GPR173: variants seen among roughly 807,000 people sequenced by gnomAD.
The protein encoded by GPR173 is G protein-coupled receptor 173, also known as probable G protein-coupled receptor 173.
Under a neutral mutation model 13.9 loss-of-function variants are expected in GPR173, and 2 were observed. That is an observed-to-expected ratio of 0.14 (90% CI 0.06 to 0.45). The LOEUF (loss-of-function observed/expected upper bound fraction) is 0.45, where lower values mean the gene tolerates loss of function less well. GPR173 is among the 20% of genes least tolerant of loss of function. The pLI is 0.98. For missense variants in GPR173, 202 were observed against 340.5 expected (o/e 0.59, Z 3.20); for synonymous variants, 131 against 141.0 (o/e 0.93, Z 0.50).
At chrX:53,059,065 T>C (rs917467612) in intron 1 of GPR173, among the ~76,000 whole-genome samples, 34 of 106,819 alleles carry the variant, frequency 3.2e-4, no homozygotes, top group Non-Finnish European at 5.8e-4. Flanking sequence ...CTGGCTAACA[T>C]GGTGAAACCC....
In GPR173 at chrX:53,076,945, C is replaced by T. The variant is rs782532937; in HGVS notation, c.324C>T (p.Phe108=). The T allele has an allele frequency of 9.1e-6, 11 of 1,209,431 alleles. No individual in the cohort carries two copies. The highest frequency in any genetic ancestry group is 1.2e-5 in the Non-Finnish European group (11 of 894,664). Residue 108 remains phenylalanine, a synonymous_variant, in exon 2 of 2, where the codon TTC becomes TTT. Transcript: ENST00000332582. Reference sequence around the variant, plus strand: ...CCTTTATGGCCGTGCTCTTTTGCTTCCATGCGGCCTTCATGCTGTTCTGCA... The same window carrying T: ...CCTTTATGGCCGTGCTCTTTTGCTTTCATGCGGCCTTCATGCTGTTCTGCA... ...IVAFMAVLFC[F]HAAFMLFCIS...
At chrX:53,061,991 A>AG (rs113986287) in intron 1 of GPR173, among the ~76,000 whole-genome samples, 3,259 of 105,433 alleles carry the variant, frequency 0.031, 88 homozygotes, top group African/African-American at 0.056. Context: ...AGGGAAGAGA[A>AG]AGAAGAGAAG....
intron 1 of GPR173, among the ~76,000 whole-genome samples, chrX:53,050,790 T>C (rs1556802588): frequency 8.9e-6 from 1 of 111,948 alleles, no homozygotes. Context: ...TGGAGGGTAG[T>C]GGAAGGGAGG....
Position 53,049,293 on chromosome X carries a change from C to T in GPR173, c.-289C>T, listed in dbSNP as rs1308597267. Reference sequence around the variant, plus strand: ...CACCCCCAGCCCTACCCAGTGCACCCCTCCGGTGCCTGCTTTCCCTGATGC... The same window carrying T: ...CACCCCCAGCCCTACCCAGTGCACCTCTCCGGTGCCTGCTTTCCCTGATGC... On this transcript the variant is annotated 5_prime_UTR_variant, in exon 1 of 2. Transcript: ENST00000332582. 1.8e-5 allele frequency: 2 copies of T among 112,138 alleles called. No individual in the cohort carries two copies. Among genetic ancestry groups the T allele is most frequent in the Admixed American group, 1.9e-4 (2 of 10,654 alleles). The allele number at this position is 112,138 out of a possible 1,213,427, so 9.2% of individuals were successfully genotyped here.
chrX:53,074,330 ATG>A (rs1932369865), intron 1 of GPR173, among the ~76,000 whole-genome samples: 1 of 35,288 alleles, frequency 2.8e-5, no homozygotes, highest in Non-Finnish European at 5.0e-5. Flanking sequence ...TTATATATAA[ATG>A]TATATTTATA....
chrX:53,069,224 T>C (rs1196026457), intron 1 of GPR173, among the ~76,000 whole-genome samples: 1 of 105,275 alleles, frequency 9.5e-6, no homozygotes, highest in African/African-American at 3.5e-5. Flanking sequence ...CCTCCCACAG[T>C]GTTAGGATTA....
At chrX:53,051,532 G>A (rs185821811) in intron 1 of GPR173, among the ~76,000 whole-genome samples, 5 of 110,472 alleles carry the variant, frequency 4.5e-5, no homozygotes, top group Admixed American at 9.7e-5. Context: ...AGCAGGCCGT[G>A]TGATGGCATG....
At chrX:53,058,997 C>T (rs1217074457) in intron 1 of GPR173, among the ~76,000 whole-genome samples, 6 of 108,926 alleles carry the variant, frequency 5.5e-5, no homozygotes, top group African/African-American at 2.0e-4. Context: ...CGCCTGTAAT[C>T]CCAGCACTTT....
rs138728567 is a variant in GPR173 at position 53,077,041 on chromosome X, C to T, written c.420C>T (p.Cys140=). The part of the protein sequence containing the change: ...FYAKRMTLWT[C]AAVICMAWTL... ...CCAAGCGCATGACACTCTGGACATG[C>T]GCGGCTGTCATCTGCATGGCCTGGA... Residue 140 remains cysteine, a synonymous_variant, in exon 2 of 2, where the codon TGC becomes TGT. Coordinates refer to ENST00000332582, the MANE Select transcript of GPR173 (RefSeq NM_018969.6). The T allele has an allele frequency of 7.8e-5, 94 of 1,208,634 alleles. No homozygotes were observed. The highest frequency in any genetic ancestry group is 6.9e-4 in the Middle Eastern group (3 of 4,350).
chrX:53,053,198 A>C (rs1339047492), intron 1 of GPR173, among the ~76,000 whole-genome samples: 1 of 112,842 alleles, frequency 8.9e-6, no homozygotes, highest in East Asian at 2.8e-4. Context: ...TTGTGTGTAC[A>C]AGTCTGTGTT....
chrX:53,073,341 C>G (rs1463265408), intron 1 of GPR173, among the ~76,000 whole-genome samples: 4 of 110,442 alleles, frequency 3.6e-5, no homozygotes, highest in Non-Finnish European at 5.7e-5. Flanking sequence ...GACATCCACT[C>G]AAGTTCCACC....
intron 1 of GPR173, among the ~76,000 whole-genome samples, chrX:53,072,811 CA>C (rs1932281037): frequency 8.9e-6 from 1 of 111,737 alleles, no homozygotes; most frequent in African/African-American, 3.3e-5. Flanking sequence ...AGGGGGCTGT[CA>C]GGCCTTGAAG....
intron 1 of GPR173, among the ~76,000 whole-genome samples, chrX:53,053,618 T>C (rs1183643538): frequency 8.8e-5 from 10 of 113,229 alleles, no homozygotes; most frequent in Non-Finnish European, 1.3e-4. Context: ...AGAGAGATAC[T>C]TGGCCTTGGG....
intron 1 of GPR173, among the ~76,000 whole-genome samples, chrX:53,060,353 G>T (rs1556803649): frequency 9.1e-6 from 1 of 110,072 alleles, no homozygotes; most frequent in African/African-American, 3.3e-5. Context: ...GCCGAGGCGG[G>T]TGAATCACCT....
chrX:53,058,662 G>A (rs1932075539), intron 1 of GPR173, among the ~76,000 whole-genome samples: 1 of 111,449 alleles, frequency 9.0e-6, no homozygotes, highest in African/African-American at 3.3e-5. Flanking sequence ...GCAGATTTGT[G>A]AGAGTGGCTT....
chrX:53,054,571 G>C (rs1556803054), intron 1 of GPR173, among the ~76,000 whole-genome samples: 1 of 109,463 alleles, frequency 9.1e-6, no homozygotes, highest in African/African-American at 3.3e-5. Flanking sequence ...TGCGTGTGAG[G>C]CATTTGGGTG....
At chrX:53,050,198 G>T (rs1210271217) in intron 1 of GPR173, among the ~76,000 whole-genome samples, 1 of 111,413 alleles carries the variant, frequency 9.0e-6, no homozygotes, top group African/African-American at 3.3e-5. Context: ...GGACAGTGAA[G>T]TGGTGGTGGG....
At chrX:53,076,478 C>T (rs1360117907) in intron 1 of GPR173, 47 bp from the exon 2 acceptor site, 2 of 439,459 alleles carry the variant, frequency 4.6e-6, no homozygotes, top group African/African-American at 5.0e-5. Context: ...GCCCTCATCT[C>T]TCTGTCTCTC....
intron 1 of GPR173, among the ~76,000 whole-genome samples, chrX:53,058,424 CGTGTGTGT>C (rs112505843): frequency 0.1 from 10,063 of 100,816 alleles, 1,271 homozygotes; most frequent in African/African-American, 0.34. Flanking sequence ...TCCAGGTGCA[CGTGTGTGT>C]GTGTGTGTGT....
Sources: allele counts gnomAD v4.1 joint callset (sites outside exome capture counted in the v4.1 genomes callset), GRCh38; gene constraint gnomAD v4.1.1; transcripts MANE v1.5; gene names NCBI Gene and HGNC (gene_info 2026-07-23, HGNC 2026-07-21).